ARB2A: variants seen among roughly 807,000 people sequenced by gnomAD.
The protein encoded by ARB2A is cotranscriptional regulator ARB2A.
chr5:93,830,730 T>C, the ARB2A span, among the ~76,000 whole-genome samples: 2 of 152,130 alleles, frequency 1.3e-5, no homozygotes, highest in African/African-American at 4.8e-5. Flanking sequence ...CCCAACCTTT[T>C]TGACATCAGG....
the ARB2A span, among the ~76,000 whole-genome samples, chr5:93,926,311 T>C: frequency 6.6e-6 from 1 of 152,008 alleles, no homozygotes; most frequent in East Asian, 1.9e-4. Context: ...GTATTTTTTT[T>C]TCAGTAGAGA....
the ARB2A span, among the ~76,000 whole-genome samples, chr5:93,798,741 A>G: frequency 3.9e-5 from 6 of 152,102 alleles, no homozygotes; most frequent in Non-Finnish European, 8.8e-5. Flanking sequence ...TCAGACTCCA[A>G]GTTCCACAAC....
chr5:93,969,018 CT>C, the ARB2A span, among the ~76,000 whole-genome samples: 11,339 of 113,108 alleles, frequency 0.1, 259 homozygotes, highest in Middle Eastern at 0.18. Context: ...GAATTTTTTT[CT>C]TTTTTTTTTT....
At chr5:93,651,736 T>C in the ARB2A span, among the ~76,000 whole-genome samples, 1 of 152,152 alleles carries the variant, frequency 6.6e-6, no homozygotes, top group Admixed American at 6.5e-5. Context: ...AACAATATAT[T>C]ATTTGATTTT....
the ARB2A span, among the ~76,000 whole-genome samples, chr5:93,622,014 T>C: frequency 1.3e-5 from 2 of 152,300 alleles, no homozygotes; most frequent in African/African-American, 4.8e-5. Flanking sequence ...GTAATACTAA[T>C]GTACAGCATG....
the ARB2A span, among the ~76,000 whole-genome samples, chr5:93,701,278 A>C: frequency 1.3e-5 from 2 of 152,192 alleles, no homozygotes; most frequent in Admixed American, 6.5e-5. Flanking sequence ...TGAATCTCAA[A>C]GTCAAAATCA....
At chr5:94,011,600 A>G in the ARB2A span, among the ~76,000 whole-genome samples, 12 of 152,218 alleles carry the variant, frequency 7.9e-5, no homozygotes, top group African/African-American at 2.9e-4. Context: ...TTAAAGGAAT[A>G]ACCAATATAA....
the ARB2A span, among the ~76,000 whole-genome samples, chr5:94,104,435 A>C: frequency 6.6e-6 from 1 of 151,976 alleles, no homozygotes; most frequent in African/African-American, 2.4e-5. Context: ...CTCAAAACAT[A>C]CAACCTCCCA....
the ARB2A span, among the ~76,000 whole-genome samples, chr5:94,014,093 A>G: frequency 6.6e-6 from 1 of 152,208 alleles, no homozygotes. Flanking sequence ...ATCCCTGAGG[A>G]TAGGTAGAGA....
the ARB2A span, among the ~76,000 whole-genome samples, chr5:93,749,681 A>C: frequency 6.6e-6 from 1 of 152,180 alleles, no homozygotes; most frequent in Non-Finnish European, 1.5e-5. Context: ...AGTAATGATA[A>C]ATCCCAAGAT....
the ARB2A span, among the ~76,000 whole-genome samples, chr5:93,972,911 T>TAA: frequency 3.3e-4 from 38 of 114,590 alleles, 1 homozygote; most frequent in African/African-American, 1.0e-3. Flanking sequence ...CCTTGTCTCT[T>TAA]AAAAAAAAAA....
At chr5:94,025,943 T>A in the ARB2A span, among the ~76,000 whole-genome samples, 1 of 152,078 alleles carries the variant, frequency 6.6e-6, no homozygotes. Flanking sequence ...GCCATGTGAG[T>A]GAGCAAGTGC....
chr5:93,959,605 T>C, the ARB2A span, among the ~76,000 whole-genome samples: 11 of 152,308 alleles, frequency 7.2e-5, no homozygotes, highest in African/African-American at 2.4e-4. Context: ...TCTTACCTGA[T>C]CTATGTAAAT....
At chr5:93,903,771 C>G in the ARB2A span, among the ~76,000 whole-genome samples, 1 of 150,166 alleles carries the variant, frequency 6.7e-6, no homozygotes, top group South Asian at 2.1e-4. Flanking sequence ...AGCAGATAGT[C>G]CTAGCCACAT....
the ARB2A span, among the ~76,000 whole-genome samples, chr5:93,701,018 A>G: frequency 6.6e-6 from 1 of 152,164 alleles, no homozygotes; most frequent in Non-Finnish European, 1.5e-5. Flanking sequence ...GAGCAATGTA[A>G]TATGCACTAG....
At chr5:93,902,732 C>A in the ARB2A span, among the ~76,000 whole-genome samples, 3 of 152,072 alleles carry the variant, frequency 2.0e-5, no homozygotes, top group Admixed American at 1.3e-4. Flanking sequence ...TCATAAAATT[C>A]TCTCCAAATG....
chr5:93,954,983 C>G, the ARB2A span, among the ~76,000 whole-genome samples: 1 of 152,046 alleles, frequency 6.6e-6, no homozygotes, highest in Admixed American at 6.5e-5. Context: ...TCTCCCTCCC[C>G]CAAATGCACA....
chr5:94,026,579 C>G, the ARB2A span, among the ~76,000 whole-genome samples: 4 of 152,016 alleles, frequency 2.6e-5, no homozygotes, highest in Non-Finnish European at 5.9e-5. Flanking sequence ...AACAAAAGTA[C>G]CACTCAAAGG....
the ARB2A span, among the ~76,000 whole-genome samples, chr5:93,974,330 A>G: frequency 1.3e-5 from 2 of 152,226 alleles, no homozygotes; most frequent in African/African-American, 4.8e-5. Context: ...TGTTATTCCT[A>G]TATCAGATAA....
Sources: allele counts gnomAD v4.1 joint callset (sites outside exome capture counted in the v4.1 genomes callset), GRCh38; gene constraint gnomAD v4.1.1; transcripts MANE v1.5; gene names NCBI Gene and HGNC (gene_info 2026-07-23, HGNC 2026-07-21).